Variants in BSCL2 observed in about 807,000 individuals in gnomAD.
BSCL2 encodes the protein BSCL2 lipid droplet biogenesis associated, seipin.
BSCL2 carries 41 observed loss-of-function variants against 57.4 expected under a neutral mutation model. The observed-to-expected ratio is 0.71, with a 90% CI of 0.56 to 0.93. The LOEUF is 0.93. Among genes scored for constraint, BSCL2 ranks in the 40% least tolerant of loss-of-function variants. The pLI, the probability that BSCL2 is intolerant of heterozygous loss-of-function variation, is 0.00. For synonymous variants in BSCL2, 237 were observed against 227.3 expected (o/e 1.04, Z -0.38); for missense variants, 539 against 586.7 (o/e 0.92, Z 0.84).
upstream of BSCL2, chr11:62,708,782 G>A (rs2083585241): frequency 1.9e-6 from 3 of 1,613,938 alleles, no homozygotes; most frequent in African/African-American, 4.0e-5. Flanking sequence ...TCCGGGAGAA[G>A]AAGTTCTTCT....
intron 3 of BSCL2, among the ~76,000 whole-genome samples, chr11:62,701,868 T>C (rs1331623316): frequency 6.7e-6 from 1 of 149,522 alleles, no homozygotes; most frequent in East Asian, 2.0e-4. Flanking sequence ...AAAAACAGAA[T>C]GGTTGTATAG....
intron 2 of BSCL2, among the ~76,000 whole-genome samples, chr11:62,703,348 T>G (rs1945702747): frequency 9.7e-5 from 1 of 10,266 alleles, no homozygotes; most frequent in South Asian, 4.3e-3. Context: ...TGCATATACG[T>G]TTTTTTTTTT....
chr11:62,704,527 C>CA (rs768369587), intron 2 of BSCL2, among the ~76,000 whole-genome samples: 7 of 151,916 alleles, frequency 4.6e-5, no homozygotes, highest in African/African-American at 7.3e-5. Context: ...GCCTGGGCGA[C>CA]AGAGCAAGAC....
intron 2 of BSCL2, among the ~76,000 whole-genome samples, chr11:62,703,043 G>A (rs562329108): frequency 4.7e-4 from 71 of 151,958 alleles, no homozygotes; most frequent in African/African-American, 1.7e-3. Context: ...CCACCTACTC[G>A]GGACGCTGAG....
At chr11:62,705,995 C>A (rs1455207154) in intron 1 of BSCL2, 23 of 218,366 alleles carry the variant, frequency 1.1e-4, no homozygotes, top group Non-Finnish European at 1.2e-4. Flanking sequence ...AGAGAATGTG[C>A]GACTTGCCTA....
chr11:62,703,786 T>C (rs1022310111), intron 2 of BSCL2, among the ~76,000 whole-genome samples: 7 of 152,054 alleles, frequency 4.6e-5, no homozygotes, highest in Non-Finnish European at 1.0e-4. Flanking sequence ...TATAACGCCC[T>C]TCTCTGCATC....
chr11:62,706,061 C>G lies in BSCL2; in HGVS notation c.88-444G>C, dbSNP rs77741515. ...CCTTAGAGTAGCCACAATTGCTTCC[C>G]GAGTTTCTCCTCTCCGCCTCGAGCA... On this transcript the variant is annotated intron_variant, in intron 1 of 10. Coordinates refer to ENST00000360796, the MANE Select transcript of BSCL2 (RefSeq NM_001122955.4). 685 of 315,820 alleles carry G rather than the reference C, an allele frequency of 2.2e-3. 3 individuals are homozygous for G. Among genetic ancestry groups the G allele is most frequent in the African/African-American group, 0.013 (586 of 44,062 alleles). 19.6% of individuals were successfully genotyped at this position (315,820 alleles called of 1,614,324 possible).
intron 2 of BSCL2, among the ~76,000 whole-genome samples, chr11:62,704,253 C>T (rs1945745838): frequency 6.6e-6 from 1 of 150,974 alleles, no homozygotes; most frequent in South Asian, 2.1e-4. Flanking sequence ...TCAAGACCAG[C>T]CTAGCCAACA....
chr11:62,700,351 T>G (rs1298488400), intron 3 of BSCL2, among the ~76,000 whole-genome samples: 2 of 151,912 alleles, frequency 1.3e-5, no homozygotes, highest in Non-Finnish European at 2.9e-5. Context: ...TTTTGAAAAA[T>G]AACTTCAGGC....
At chr11:62,693,945 G>A (rs1186379442) in intron 4 of BSCL2, among the ~76,000 whole-genome samples, 2 of 152,010 alleles carry the variant, frequency 1.3e-5, no homozygotes, top group Admixed American at 1.3e-4. Flanking sequence ...TTCCTGAGTA[G>A]CTGGGATTAC....
chr11:62,703,892 G>GA, intron 2 of BSCL2, among the ~76,000 whole-genome samples: 1 of 150,562 alleles, frequency 6.6e-6, no homozygotes, highest in East Asian at 2.0e-4. Flanking sequence ...GGCCAAGGGG[G>GA]TGGATCACGA....
intron 3 of BSCL2, among the ~76,000 whole-genome samples, chr11:62,699,950 G>A (rs1398994297): frequency 1.3e-5 from 2 of 151,914 alleles, no homozygotes; most frequent in Non-Finnish European, 1.5e-5. Context: ...CCAAAGTGCT[G>A]AGATTACAGG....
chr11:62,705,317 C>A lies in BSCL2; in HGVS notation c.388G>T (p.Val130Leu), dbSNP rs2083508973. ...YMPTVSHLSP[V>L]HFYYRTDCDS... is the part of the protein sequence containing the mutation. ...CCCTCTCACCTGTAGTAGAAATGCA[C>A]AGGGCTGAGGTGGCTGACTGTCGGC... The change falls in exon 2 of 11, where the codon GTG (valine) becomes TTG (leucine). Residue 130 changes from valine (V) to leucine (L), a missense_variant. Coordinates refer to ENST00000360796, the MANE Select transcript of BSCL2 (RefSeq NM_001122955.4). 6.2e-7 allele frequency: 1 copy of A among 1,612,556 alleles called. No individual in the cohort carries two copies. The highest frequency in any genetic ancestry group is 1.3e-5 in the African/African-American group (1 of 74,992).
chr11:62,694,540 C>T, intron 4 of BSCL2, 28 bp downstream of exon 4: 1 of 1,613,856 alleles, frequency 6.2e-7, no homozygotes, highest in Non-Finnish European at 8.5e-7. Context: ...TTCCTCCACA[C>T]CTTCTCAGAC....
At chr11:62,701,703 GCTCC>G (rs2134727037) in intron 3 of BSCL2, among the ~76,000 whole-genome samples, 2 of 151,978 alleles carry the variant, frequency 1.3e-5, no homozygotes, top group East Asian at 3.9e-4. Context: ...GTGGTGGCGC[GCTCC>G]TGTAGTGCCA....
At chr11:62,708,531 A>G, upstream of BSCL2, 2 of 1,264,816 alleles carry the variant, frequency 1.6e-6, no homozygotes, top group Non-Finnish European at 1.1e-6. Context: ...CTGTAGAGAG[A>G]GCTGTCCCCA....
At chr11:62,699,675 GTTTTTT>G (rs71056548) in intron 3 of BSCL2, among the ~76,000 whole-genome samples, 1 of 87,210 alleles carries the variant, frequency 1.1e-5, no homozygotes, top group Non-Finnish European at 2.3e-5. Context: ...ATCCTATCTG[GTTTTTT>G]TTTTTTTTTT....
upstream of BSCL2, chr11:62,708,143 G>C (rs1000220072): frequency 1.6e-5 from 11 of 668,456 alleles, no homozygotes; most frequent in Non-Finnish European, 3.0e-5. Context: ...AGGAATACAG[G>C]GATGAGACAG....
chr11:62,691,059 C>T lies in BSCL2; in HGVS notation c.1072+16G>A. ...AACCTAGCCCACCTCAACAGCTCCC[C>T]AGCCAACACCTTTACCTGGCTGATG... On this transcript the variant is annotated intron_variant, in intron 8 of 10. Transcript: ENST00000360796. 2 of 1,614,148 alleles carry T rather than the reference C, an allele frequency of 1.2e-6. No individual in the cohort carries two copies. Among genetic ancestry groups the T allele is most frequent in the African/African-American group, 1.3e-5 (1 of 75,056 alleles).
Sources: allele counts gnomAD v4.1 joint callset (sites outside exome capture counted in the v4.1 genomes callset), GRCh38; gene constraint gnomAD v4.1.1; transcripts MANE v1.5; gene names NCBI Gene and HGNC (gene_info 2026-07-23, HGNC 2026-07-21).